The following ING5 variants were observed in gnomAD, a reference collection of about 807,000 sequenced individuals.
ING5 encodes inhibitor of growth family member 5, also known as inhibitor of growth protein 5.
ING5 carries 17 observed loss-of-function variants against 37.4 expected under a neutral mutation model. The ratio of observed to expected loss-of-function variants is 0.45; its 90% CI spans 0.31 to 0.68. The LOEUF is 0.68. Among genes scored for constraint, ING5 ranks in the 30% least tolerant of loss-of-function variants. The pLI, the probability that ING5 is intolerant of heterozygous loss-of-function variation, is 0.05. For missense variants in ING5, 233 were observed against 311.9 expected (o/e 0.75, Z 1.91); for synonymous variants, 123 against 116.6 (o/e 1.06, Z -0.36).
At chr2:241,697,405 A>G (rs1037172800), upstream of ING5, among the ~76,000 whole-genome samples, 11 of 149,658 alleles carry the variant, frequency 7.4e-5, no homozygotes, top group Non-Finnish European at 3.0e-5. Context: ...ACTGCACTCC[A>G]GCCTGGGTGA....
intron 2 of ING5, among the ~76,000 whole-genome samples, chr2:241,708,660 TGTAG>T (rs2070001737): frequency 6.6e-6 from 1 of 152,224 alleles, no homozygotes; most frequent in South Asian, 2.1e-4. Context: ...TGTGTGTGGC[TGTAG>T]TTTGCTCTTT....
At chr2:241,702,322 A>G (rs996863354) in intron 1 of ING5, among the ~76,000 whole-genome samples, 3 of 149,712 alleles carry the variant, frequency 2.0e-5, no homozygotes, top group African/African-American at 7.3e-5. Context: ...GGGTCGCGCC[A>G]ATTCCAGGTG....
upstream of ING5, among the ~76,000 whole-genome samples, chr2:241,701,482 C>T (rs1227334202): frequency 1.3e-5 from 2 of 152,162 alleles, no homozygotes; most frequent in African/African-American, 4.8e-5. Context: ...GGGAAGGGCG[C>T]CAGGGCCCAG....
At chr2:241,692,254 A>G (rs1388042791) in intron 2 of ING5, among the ~76,000 whole-genome samples, 1 of 152,098 alleles carries the variant, frequency 6.6e-6, no homozygotes, top group East Asian at 1.9e-4. Flanking sequence ...CTCCAGAGAT[A>G]ACAACTTGAA....
At chr2:241,711,327 G>C in intron 3 of ING5, 50 bp from the exon 4 acceptor site, 1 of 1,272,154 alleles carries the variant, frequency 7.9e-7, no homozygotes, top group Non-Finnish European at 1.1e-6. Context: ...TCGTGATTCT[G>C]AGGTGTTTTG....
At chr2:241,700,061 C>T (rs2069689569), upstream of ING5, among the ~76,000 whole-genome samples, 1 of 151,992 alleles carries the variant, frequency 6.6e-6, no homozygotes, top group South Asian at 2.1e-4. Flanking sequence ...CGGCTCACTG[C>T]AACCTCCACG....
intron 5 of ING5, among the ~76,000 whole-genome samples, chr2:241,717,597 G>T (rs1198562424): frequency 6.7e-6 from 1 of 149,876 alleles, no homozygotes; most frequent in Non-Finnish European, 1.5e-5. Flanking sequence ...ATTTTAGGTT[G>T]ACCTTTTTTC....
Position 241,705,411 on chromosome 2 carries a change from T to G in ING5, c.109+687T>G, listed in dbSNP as rs2069878822. On this transcript the variant is annotated intron_variant, in intron 2 of 7. Coordinates refer to ENST00000313552, the MANE Select transcript of ING5 (RefSeq NM_032329.6). ...GTTTTTTTCTTTTTTTTTTTTTTTT[T>G]TTTTGAGACAGAGTCTCACTCTGTT... Among the ~76,000 whole-genome samples the G allele has an allele frequency of 4.8e-5, 7 of 145,062 alleles. No homozygotes were observed. In the South Asian group the frequency reaches 1.6e-3, roughly 33 times the overall value.
chr2:241,714,714 C>T (rs936230822), intron 5 of ING5, among the ~76,000 whole-genome samples: 3 of 151,980 alleles, frequency 2.0e-5, no homozygotes, highest in Admixed American at 1.3e-4. Flanking sequence ...AAGTGATTCT[C>T]CCACCTCAGC....
At position 241,728,724 on chromosome 2, in the gene ING5, G is replaced by C. The variant is rs952916625; in HGVS notation, c.*3693G>C. On this transcript the variant is annotated 3_prime_UTR_variant, in exon 8 of 8. Coordinates refer to ENST00000313552, the MANE Select transcript of ING5 (RefSeq NM_032329.6). ...CTGGGCGGGTGGACATGAGACCACT[G>C]TTGGCCAGGGACGCCGTGCGGAGGC... is the stretch of plus-strand genomic sequence containing the variant. 4.6e-5 allele frequency: 7 copies of C among 152,174 alleles called. No homozygotes were observed. The highest frequency in any genetic ancestry group is 1.7e-4 in the African/African-American group (7 of 41,424). The allele number at this position is 152,174 out of a possible 1,614,324, so 9.4% of individuals were successfully genotyped here.
At chr2:241,719,850 G>A (rs1035873639) in intron 5 of ING5, 38 of 1,403,820 alleles carry the variant, frequency 2.7e-5, no homozygotes, top group Admixed American at 9.1e-5. Context: ...GGAGCTCAGC[G>A]CTGCCTGCCG....
At chr2:241,706,225 C>T (rs2069906031) in intron 2 of ING5, among the ~76,000 whole-genome samples, 2 of 152,150 alleles carry the variant, frequency 1.3e-5, no homozygotes. Context: ...CACCCCTCTT[C>T]AGTGTGGGAC....
exon 1 of ING5, chr2:241,687,526 T>TG (rs150059971): frequency 5.1e-6 from 2 of 391,942 alleles, no homozygotes; most frequent in Non-Finnish European, 9.0e-6. Context: ...TGTGTGTGTT[T>TG]TTGTTGTTTT....
upstream of ING5, among the ~76,000 whole-genome samples, chr2:241,697,614 A>C (rs1421362830): frequency 6.6e-6 from 1 of 152,146 alleles, no homozygotes. Context: ...TTCCAATTAC[A>C]TGACATTCTG....
At chr2:241,722,647 A>C (rs564616363) in intron 5 of ING5, 49 of 985,308 alleles carry the variant, frequency 5.0e-5, no homozygotes, top group Admixed American at 1.8e-4. Flanking sequence ...TGAGGTTTTG[A>C]AAATGTGTGC....
chr2:241,701,836 T>TCCG (rs2069732980), upstream of ING5, among the ~76,000 whole-genome samples: 1 of 151,634 alleles, frequency 6.6e-6, no homozygotes, highest in South Asian at 2.1e-4. Context: ...CGGCCTCCGA[T>TCCG]CCGCTGCGGC....
intron 3 of ING5, among the ~76,000 whole-genome samples, 199 bp downstream of exon 3, chr2:241,709,581 CT>C (rs1190490262): frequency 3.4e-5 from 5 of 146,306 alleles, no homozygotes; most frequent in Middle Eastern, 3.4e-3. Flanking sequence ...TTTCTGGGCC[CT>C]TTTTGTTTGT....
At chr2:241,700,297 C>G (rs1406097889), upstream of ING5, among the ~76,000 whole-genome samples, 9 of 151,846 alleles carry the variant, frequency 5.9e-5, no homozygotes, top group East Asian at 1.7e-3. Flanking sequence ...GCTGGGATTA[C>G]AGGCGCCCGC....
chr2:241,701,570 C>G (rs1304989429), upstream of ING5, among the ~76,000 whole-genome samples: 2 of 151,986 alleles, frequency 1.3e-5, no homozygotes, highest in Admixed American at 1.3e-4. Context: ...CCCGGGGGCT[C>G]GGGGTCCGGG....
Sources: gnomAD v4.1 joint callset for allele counts (sites outside exome capture counted in the v4.1 genomes callset) on GRCh38, gnomAD v4.1.1 for gene constraint, MANE v1.5 for transcripts, NCBI Gene and HGNC (gene_info 2026-07-23, HGNC 2026-07-21) for gene names.